Variants in TNR observed in about 807,000 individuals in gnomAD.
TNR encodes the protein tenascin-R.
In TNR, 45 loss-of-function variants were observed where a neutral mutation model predicts 150.4. That is an observed-to-expected ratio of 0.30 (90% CI 0.24 to 0.38). The LOEUF is 0.38. TNR is among the 10% of genes least tolerant of loss of function. The pLI, the probability that TNR is intolerant of heterozygous loss-of-function variation, is 1.00. For missense variants in TNR, 1,544 were observed against 1,759.1 expected (o/e 0.88, Z 2.19); for synonymous variants, 687 against 678.4 (o/e 1.01, Z -0.20).
At chr1:175,396,023 G>C (rs1238591700) in intron 5 of TNR, among the ~76,000 whole-genome samples, 1 of 152,170 alleles carries the variant, frequency 6.6e-6, no homozygotes, top group African/African-American at 2.4e-5. Context: ...GAACTATTAA[G>C]ATATTTCACT....
intron 1 of TNR, among the ~76,000 whole-genome samples, chr1:175,736,537 G>A (rs1335120054): frequency 5.3e-5 from 8 of 151,724 alleles, no homozygotes; most frequent in Admixed American, 5.3e-4. Context: ...AAAAAGATGT[G>A]ATGATCTCTA....
chr1:175,739,424 A>G (rs1667861749), intron 1 of TNR, among the ~76,000 whole-genome samples: 1 of 152,156 alleles, frequency 6.6e-6, no homozygotes, highest in African/African-American at 2.4e-5. Flanking sequence ...GTAGAAGAGA[A>G]TTGGACAGGC....
chr1:175,642,318 T>C, intron 1 of TNR, among the ~76,000 whole-genome samples: 1 of 152,156 alleles, frequency 6.6e-6, no homozygotes, highest in East Asian at 1.9e-4. Flanking sequence ...AAATAGCATA[T>C]GCAAAAGCTA....
chr1:175,579,700 G>T (rs1180510472), intron 1 of TNR, among the ~76,000 whole-genome samples: 1 of 151,434 alleles, frequency 6.6e-6, no homozygotes, highest in African/African-American at 2.4e-5. Flanking sequence ...TGATAGAGAA[G>T]AAATGGGGTA....
At chr1:175,364,427 C>A (rs1209143961) in intron 12 of TNR, among the ~76,000 whole-genome samples, 1 of 151,788 alleles carries the variant, frequency 6.6e-6, no homozygotes, top group Non-Finnish European at 1.5e-5. Context: ...GAGGAAACTA[C>A]CCAAACATAC....
Position 175,359,139 on chromosome 1 carries a change from CTTTTTTTTTTTT to C in TNR, c.2974+461_2974+472del, listed in dbSNP as rs758610631. On this transcript the variant is annotated intron_variant, in intron 15 of 22. Coordinates refer to ENST00000367674, the MANE Select transcript of TNR (RefSeq NM_003285.3). ...AGTTTGCAGAGTTTGGGGATATCTTCTTTTTTTTTTTTTTTTTTTTTTTTTAGATGGAGTCTT... is the reference window on the plus strand; with the variant it reads ...AGTTTGCAGAGTTTGGGGATATCTTCTTTTTTTTTTTTTAGATGGAGTCTT... 1.2e-4 allele frequency among the ~76,000 whole-genome samples: 5 copies of C among 42,138 alleles called. 1 individual carries two copies. In the East Asian group the frequency reaches 3.4e-3, roughly 28 times the overall value. The allele number at this position is 42,138 out of a possible 152,430, so 27.6% of individuals were successfully genotyped here.
intron 1 of TNR, among the ~76,000 whole-genome samples, chr1:175,558,780 A>T (rs747418817): frequency 2.7e-4 from 41 of 152,118 alleles, no homozygotes; most frequent in Non-Finnish European, 4.9e-4. Context: ...CTCAGTATGG[A>T]GAGGGATGAG....
At chr1:175,386,866 C>T (rs1652961852) in intron 7 of TNR, among the ~76,000 whole-genome samples, 1 of 152,230 alleles carries the variant, frequency 6.6e-6, no homozygotes, top group Non-Finnish European at 1.5e-5. Context: ...CATATGAGGA[C>T]ATGAAACATG....
At chr1:175,685,740 G>A (rs543585976) in intron 1 of TNR, among the ~76,000 whole-genome samples, 1 of 152,046 alleles carries the variant, frequency 6.6e-6, no homozygotes, top group Non-Finnish European at 1.5e-5. Context: ...AGTTTTCTCA[G>A]GTCCCAAATC....
In TNR at chr1:175,356,308, C is replaced by T; in HGVS notation, c.3118+11G>A. The T allele has an allele frequency of 6.2e-7, 1 of 1,613,794 alleles. No homozygotes were observed. The highest frequency in any genetic ancestry group is 8.5e-7 in the Non-Finnish European group (1 of 1,179,822). On this transcript the variant is annotated intron_variant, in intron 16 of 22. Coordinates refer to ENST00000367674, the MANE Select transcript of TNR (RefSeq NM_003285.3). ...CCAGGGATACGGGTATGTAGGTGAC[C>T]ATGTACTCACGAGTAGAAAAGTTGG...
At chr1:175,382,705 T>C (rs1652737815) in intron 8 of TNR, among the ~76,000 whole-genome samples, 1 of 152,070 alleles carries the variant, frequency 6.6e-6, no homozygotes. Context: ...ATCGAGACCA[T>C]CCTGGCTAAC....
intron 14 of TNR, among the ~76,000 whole-genome samples, chr1:175,361,415 T>C (rs773314241): frequency 8.5e-5 from 13 of 152,214 alleles, no homozygotes; most frequent in Non-Finnish European, 1.6e-4. Flanking sequence ...CACTTGTTGA[T>C]ATTTTAATGG....
At chr1:175,621,069 C>G (rs1470684272) in intron 1 of TNR, among the ~76,000 whole-genome samples, 2 of 152,172 alleles carry the variant, frequency 1.3e-5, no homozygotes, top group African/African-American at 4.8e-5. Flanking sequence ...TGCCTTGATT[C>G]AGGACGGCAT....
Position 175,318,959 on chromosome 1 carries a change from T to G in TNR, c.*4398A>C, listed in dbSNP as rs1202820910. The stretch of plus-strand genomic sequence containing the variant: ...GGATTATTGAAACTGAACTGAATTT[T>G]GAATCTTTCAGAGGTTTCTTAATAA... On this transcript the variant is annotated 3_prime_UTR_variant, in exon 23 of 23. Coordinates refer to ENST00000367674, the MANE Select transcript of TNR (RefSeq NM_003285.3). 1 of 152,228 alleles carries G rather than the reference T, an allele frequency of 6.6e-6. No homozygotes were observed. Among genetic ancestry groups the G allele is most frequent in the African/African-American group, 2.4e-5 (1 of 41,452 alleles). 9.4% of individuals were successfully genotyped at this position (152,228 alleles called of 1,614,324 possible).
chr1:175,611,079 C>T (rs547777865), intron 1 of TNR, among the ~76,000 whole-genome samples: 1 of 152,182 alleles, frequency 6.6e-6, no homozygotes, highest in Non-Finnish European at 1.5e-5. Flanking sequence ...ATTCTTTCCT[C>T]CCCCTTGCCC....
chr1:175,351,282 T>C (rs1279070054), intron 18 of TNR, among the ~76,000 whole-genome samples: 1 of 152,184 alleles, frequency 6.6e-6, no homozygotes, highest in East Asian at 1.9e-4. Context: ...AAATTTGCTC[T>C]TGGGCAGGGG....
chr1:175,384,405 T>C (rs1652832614), intron 8 of TNR, among the ~76,000 whole-genome samples: 1 of 152,222 alleles, frequency 6.6e-6, no homozygotes, highest in African/African-American at 2.4e-5. Context: ...TTCCAAGATA[T>C]GTTCAGTAAA....
chr1:175,397,661 A>T (rs1237637462), intron 4 of TNR, among the ~76,000 whole-genome samples: 1 of 152,228 alleles, frequency 6.6e-6, no homozygotes, highest in Non-Finnish European at 1.5e-5. Context: ...TTCTGAAAGA[A>T]ATCTAGCTTG....
intron 2 of TNR, among the ~76,000 whole-genome samples, chr1:175,509,255 C>T (rs1407255243): frequency 6.6e-6 from 1 of 152,180 alleles, no homozygotes; most frequent in Non-Finnish European, 1.5e-5. Context: ...AAGTTTTGAC[C>T]TAACACCTAC....
Sources: gnomAD v4.1 joint callset for allele counts (sites outside exome capture counted in the v4.1 genomes callset) on GRCh38, gnomAD v4.1.1 for gene constraint, MANE v1.5 for transcripts, NCBI Gene and HGNC (gene_info 2026-07-23, HGNC 2026-07-21) for gene names.